The following FSTL5 variants were observed in gnomAD, a reference collection of about 807,000 sequenced individuals.
FSTL5 encodes the protein follistatin-related protein 5.
FSTL5 carries 62 observed loss-of-function variants against 89.1 expected under a neutral mutation model. That is an observed-to-expected ratio of 0.70 (90% confidence interval 0.57 to 0.86). The LOEUF is 0.86. FSTL5 is among the 40% of genes least tolerant of loss of function. FSTL5 has a pLI of 0.00. For synonymous variants in FSTL5, 383 were observed against 346.2 expected (o/e 1.11, Z -1.18); for missense variants, 1,057 against 1,001.6 (o/e 1.06, Z -0.75).
intron 6 of FSTL5, among the ~76,000 whole-genome samples, chr4:161,736,094 G>GT (rs1160917467): frequency 6.6e-6 from 1 of 152,070 alleles, no homozygotes; most frequent in African/African-American, 2.4e-5. Context: ...CATTAGATGA[G>GT]TATGTGTGAC....
chr4:161,578,646 A>G (rs996300817), intron 8 of FSTL5, among the ~76,000 whole-genome samples: 4 of 152,104 alleles, frequency 2.6e-5, no homozygotes, highest in Non-Finnish European at 5.9e-5. Context: ...TAAAAATCCA[A>G]GTAAAGAAAA....
intron 4 of FSTL5, among the ~76,000 whole-genome samples, chr4:161,857,675 T>C (rs1441660355): frequency 2.6e-5 from 4 of 152,192 alleles, no homozygotes; most frequent in African/African-American, 7.2e-5. Flanking sequence ...ATCCCCACTA[T>C]GAAAACTCCA....
intron 12 of FSTL5, among the ~76,000 whole-genome samples, chr4:161,490,362 G>A (rs1048054268): frequency 6.6e-6 from 1 of 152,034 alleles, no homozygotes; most frequent in African/African-American, 2.4e-5. Context: ...CTTAGTTGAA[G>A]AGTGAGACAG....
intron 3 of FSTL5, among the ~76,000 whole-genome samples, chr4:161,938,420 T>C (rs1259430180): frequency 6.6e-6 from 1 of 152,116 alleles, no homozygotes; most frequent in Admixed American, 6.6e-5. Context: ...ATGTATGCCA[T>C]TTAAAAGTTA....
chr4:161,792,244 T>C (rs2126821347), intron 4 of FSTL5, among the ~76,000 whole-genome samples: 1 of 152,232 alleles, frequency 6.6e-6, no homozygotes, highest in East Asian at 1.9e-4. Context: ...CCCTGCTGCC[T>C]CAGCCCCATC....
At chr4:161,625,301 C>A (rs539446044) in intron 7 of FSTL5, among the ~76,000 whole-genome samples, 2 of 152,182 alleles carry the variant, frequency 1.3e-5, no homozygotes, top group South Asian at 2.1e-4. Context: ...TTATAGGCAC[C>A]ATTTTTCCTA....
Position 161,920,467 on chromosome 4 carries a change from T to C in FSTL5, c.346A>G (p.Arg116Gly), listed in dbSNP as rs781661315. The C allele has an allele frequency of 1.9e-6, 3 of 1,614,020 alleles. No individual in the cohort carries two copies. Among genetic ancestry groups the C allele is most frequent in the Non-Finnish European group, 2.5e-6 (3 of 1,179,934 alleles). Residue 116 changes from arginine to glycine, a missense_variant, in exon 4 of 16, where the codon AGA becomes GGA. By Grantham distance (125) the Arg-to-Gly change is moderately radical. Around this residue, in one of 3 missense-constraint regions of FSTL5, gnomAD observed 980 missense variants for 903.2 expected, o/e 1.08. Coordinates refer to ENST00000306100, the MANE Select transcript of FSTL5 (RefSeq NM_020116.5). ...TTTTGTTTTTTCAGGCAAGCAGCTC[T>C]GTGCACTTCACAGTGGTTTTCATAG... ...EFYENHCEVH[R>G]AACLKKQKIT... is the part of the protein sequence containing the mutation.
At chr4:162,051,358 T>TC (rs1484322782) in intron 2 of FSTL5, among the ~76,000 whole-genome samples, 1 of 151,144 alleles carries the variant, frequency 6.6e-6, no homozygotes, top group Non-Finnish European at 1.5e-5. Flanking sequence ...AATGAATAGA[T>TC]CAACAAATTG....
chr4:161,524,929 G>C (rs1731164218), intron 10 of FSTL5, among the ~76,000 whole-genome samples: 1 of 150,698 alleles, frequency 6.6e-6, no homozygotes, highest in African/African-American at 2.4e-5. Context: ...CTGCACTCTA[G>C]CCTGGGCAAC....
At chr4:162,138,344 A>G (rs1342731423) in intron 1 of FSTL5, among the ~76,000 whole-genome samples, 4 of 137,268 alleles carry the variant, frequency 2.9e-5, no homozygotes, top group Admixed American at 2.8e-4. Flanking sequence ...ATTGTAATTT[A>G]CCACATTTAC....
At chr4:161,834,150 A>G (rs1579126705) in intron 4 of FSTL5, among the ~76,000 whole-genome samples, 1 of 152,186 alleles carries the variant, frequency 6.6e-6, no homozygotes, top group African/African-American at 2.4e-5. Flanking sequence ...GGTTCAATAT[A>G]TGCAAATCAA....
At chr4:162,129,245 T>G (rs1732203835) in intron 1 of FSTL5, among the ~76,000 whole-genome samples, 1 of 152,206 alleles carries the variant, frequency 6.6e-6, no homozygotes, top group South Asian at 2.1e-4. Context: ...GACTTTCTAT[T>G]TTTATGGTTA....
intron 4 of FSTL5, among the ~76,000 whole-genome samples, chr4:161,882,049 G>C (rs1276924005): frequency 6.6e-6 from 1 of 152,054 alleles, no homozygotes; most frequent in African/African-American, 2.4e-5. Context: ...ATTTCTATTT[G>C]ATGAGGCAGT....
chr4:161,818,600 G>A (rs1730400113), intron 4 of FSTL5, among the ~76,000 whole-genome samples: 2 of 152,310 alleles, frequency 1.3e-5, no homozygotes, highest in South Asian at 2.1e-4. Context: ...AGAGGTTTGA[G>A]CAGTGGGGCA....
chr4:162,011,641 C>A (rs771316465), intron 3 of FSTL5, among the ~76,000 whole-genome samples: 1 of 152,066 alleles, frequency 6.6e-6, no homozygotes. Flanking sequence ...TTACAGGCAA[C>A]TGCCACCATG....
At chr4:161,570,350 A>C (rs4691771) in intron 8 of FSTL5, among the ~76,000 whole-genome samples, 1 of 151,936 alleles carries the variant, frequency 6.6e-6, no homozygotes, top group Non-Finnish European at 1.5e-5. Context: ...TGGGCAGGGG[A>C]AACAGCCAAG....
At chr4:161,654,061 A>G (rs1736426369) in intron 7 of FSTL5, among the ~76,000 whole-genome samples, 1 of 151,906 alleles carries the variant, frequency 6.6e-6, no homozygotes, top group Non-Finnish European at 1.5e-5. Context: ...TTTGTGCAAG[A>G]ACTTATCTTA....
In FSTL5 at chr4:161,538,276, C is replaced by G; in HGVS notation, c.1202G>C (p.Ser401Thr). The change falls in exon 10 of 16, where the codon AGC becomes ACC. Residue 401 changes from serine to threonine, a missense_variant. Ser to Thr is a moderately conservative substitution (Grantham distance 58). Coordinates refer to ENST00000306100, the MANE Select transcript of FSTL5 (RefSeq NM_020116.5). ...LQANGSEVHI[S>T]NVRYEDTGAY... ...TCCAGTATCTTCATAGCGCACATTGCTTATGTGAACCTCACTGCCATTTGC... is the reference window on the plus strand; with the variant it reads ...TCCAGTATCTTCATAGCGCACATTGGTTATGTGAACCTCACTGCCATTTGC... 1.2e-6 allele frequency: 2 copies of G among 1,613,928 alleles called. No homozygotes were observed. The highest frequency in any genetic ancestry group is 1.7e-4 in the Middle Eastern group (1 of 6,060).
chr4:161,440,252 A>C (rs2126365470), intron 15 of FSTL5, among the ~76,000 whole-genome samples: 1 of 152,244 alleles, frequency 6.6e-6, no homozygotes, highest in Admixed American at 6.5e-5. Flanking sequence ...TTTTGTACAG[A>C]ACGTAATGAG....
Sources: gnomAD v4.1 joint callset for allele counts (sites outside exome capture counted in the v4.1 genomes callset) on GRCh38, gnomAD v4.1.1 for gene constraint, gnomAD v4.1.1 regional missense constraint, MANE v1.5 for transcripts, NCBI Gene and HGNC (gene_info 2026-07-23, HGNC 2026-07-21) for gene names.